ST7: variants seen among roughly 807,000 people sequenced by gnomAD.
The protein encoded by ST7 is suppressor of tumorigenicity 7 protein.
Under a neutral mutation model 78.7 loss-of-function variants are expected in ST7, and 28 were observed. That is an observed-to-expected ratio of 0.36 (90% confidence interval 0.26 to 0.49). The LOEUF is 0.49. Among genes scored for constraint, ST7 ranks in the 20% least tolerant of loss-of-function variants. ST7 has a pLI of 0.99. For synonymous variants in ST7, 247 were observed against 249.6 expected, an observed-to-expected ratio of 0.99 and a Z score of 0.10; for missense variants, 418 against 696.0, an observed-to-expected ratio of 0.60 and a Z score of 4.49.
At chr7:117,225,449 CA>C in intron 15 of ST7, among the ~76,000 whole-genome samples, 1 of 152,112 alleles carries the variant, frequency 6.6e-6, no homozygotes, top group East Asian at 1.9e-4. Context: ...TAGCAGTTTC[CA>C]AAATGTCTGT....
intron 1 of ST7, among the ~76,000 whole-genome samples, chr7:117,065,204 CTTT>C (rs11363365): frequency 7.6e-5 from 7 of 91,822 alleles, no homozygotes; most frequent in Admixed American, 1.2e-4. Flanking sequence ...TGGTTCAAGT[CTTT>C]TTTTTTTTTT....
chr7:117,179,886 C>T (rs917889848), intron 10 of ST7, among the ~76,000 whole-genome samples: 2 of 152,170 alleles, frequency 1.3e-5, no homozygotes, highest in Non-Finnish European at 2.9e-5. Context: ...GGAAAGCACT[C>T]AGATGTGGAA....
intron 1 of ST7, chr7:116,956,344 C>G (rs1025387737): frequency 1.3e-5 from 5 of 377,034 alleles, no homozygotes; most frequent in African/African-American, 1.1e-4. Flanking sequence ...AGAGGGGAGG[C>G]AGGAGCTAGC....
intron 1 of ST7, among the ~76,000 whole-genome samples, chr7:116,969,900 A>T (rs1485687529): frequency 6.6e-6 from 1 of 152,038 alleles, no homozygotes; most frequent in Non-Finnish European, 1.5e-5. Flanking sequence ...ACATGGAGAA[A>T]CCCTGTGTCT....
intron 9 of ST7, among the ~76,000 whole-genome samples, chr7:117,170,193 T>C (rs1033304228): frequency 3.9e-5 from 6 of 152,192 alleles, no homozygotes; most frequent in Non-Finnish European, 8.8e-5. Context: ...GCCTTTACCT[T>C]GTTTGGTTTC....
At chr7:117,182,881 A>G (rs545631453) in intron 10 of ST7, 1 of 152,360 alleles carries the variant, frequency 6.6e-6, no homozygotes, top group African/African-American at 2.4e-5. Flanking sequence ...TTTATCCTAC[A>G]GAAGATTGCT....
At chr7:117,222,291 G>A (rs1383606766) in intron 15 of ST7, among the ~76,000 whole-genome samples, 1 of 152,156 alleles carries the variant, frequency 6.6e-6, no homozygotes, top group Non-Finnish European at 1.5e-5. Context: ...CAAATTCTTA[G>A]CAGTTTCCAA....
intron 9 of ST7, among the ~76,000 whole-genome samples, chr7:117,144,539 G>A (rs1297241621): frequency 6.6e-6 from 1 of 151,584 alleles, no homozygotes; most frequent in Non-Finnish European, 1.5e-5. Flanking sequence ...AGGCTGAGGT[G>A]GGAGGATCAC....
chr7:116,978,607 A>G (rs1793810169), intron 1 of ST7, among the ~76,000 whole-genome samples: 1 of 151,962 alleles, frequency 6.6e-6, no homozygotes, highest in Non-Finnish European at 1.5e-5. Flanking sequence ...ATCTATCTAG[A>G]GACAGTCTTT....
At chr7:117,002,721 G>T (rs1480304492) in intron 1 of ST7, among the ~76,000 whole-genome samples, 1 of 142,578 alleles carries the variant, frequency 7.0e-6, no homozygotes, top group Non-Finnish European at 1.5e-5. Context: ...ACTGAATGAA[G>T]AAATTATGCA....
At chr7:116,966,903 T>C (rs923601512) in intron 1 of ST7, among the ~76,000 whole-genome samples, 6 of 152,208 alleles carry the variant, frequency 3.9e-5, no homozygotes, top group African/African-American at 1.2e-4. Flanking sequence ...CACAATGTTG[T>C]ATGCCTGTGA....
chr7:116,999,621 A>C (rs1314487213), intron 1 of ST7, among the ~76,000 whole-genome samples: 1 of 152,154 alleles, frequency 6.6e-6, no homozygotes, highest in Non-Finnish European at 1.5e-5. Context: ...CCCTTAGAAG[A>C]TGATATCTAG....
At chr7:117,018,037 G>C (rs1795699583) in intron 1 of ST7, among the ~76,000 whole-genome samples, 1 of 152,062 alleles carries the variant, frequency 6.6e-6, no homozygotes, top group Non-Finnish European at 1.5e-5. Flanking sequence ...TAGGCCCTCA[G>C]AAAAATGCAT....
intron 1 of ST7, chr7:116,956,713 C>A (rs1330201788): frequency 2.2e-6 from 1 of 465,062 alleles, no homozygotes; most frequent in Non-Finnish European, 4.4e-6. Flanking sequence ...CTCATTTGAT[C>A]ATATTTTATG....
chr7:117,207,488 A>G (rs1313448267), intron 12 of ST7, among the ~76,000 whole-genome samples: 1 of 152,158 alleles, frequency 6.6e-6, no homozygotes, highest in Non-Finnish European at 1.5e-5. Flanking sequence ...TACCAGGCCC[A>G]CTTCTTCTCA....
chr7:117,033,479 C>T (rs975605747), intron 1 of ST7, among the ~76,000 whole-genome samples: 7 of 149,576 alleles, frequency 4.7e-5, no homozygotes, highest in African/African-American at 1.5e-4. Flanking sequence ...GCTGGAGTGT[C>T]GTAGTGCAAT....
Position 117,190,487 on chromosome 7 carries a change from G to A in ST7, c.1152-347G>A, listed in dbSNP as rs1346408861. 2.6e-5 allele frequency among the ~76,000 whole-genome samples: 4 copies of A among 152,164 alleles called. No individual in the cohort carries two copies. Among genetic ancestry groups the A allele is most frequent in the Non-Finnish European group, 4.4e-5 (3 of 68,022 alleles). ...TGTTTTTAACCAAGTGCGCTCTTCT[G>A]TAACCTAGTTTTCTCTTTTTCCTAC... On this transcript the variant is annotated intron_variant, in intron 11 of 15. Transcript: ENST00000323984. The surrounding 1 kb of genome is among the most constrained non-coding windows in gnomAD (Gnocchi z 5.2).
Position 117,190,776 on chromosome 7 carries a change from C to A in ST7, c.1152-58C>A, listed in dbSNP as rs1212855610. 1.4e-6 allele frequency: 2 copies of A among 1,433,564 alleles called. No homozygotes were observed. The highest frequency in any genetic ancestry group is 2.0e-6 in the Non-Finnish European group (2 of 1,020,184). The allele number at this position is 1,433,564 out of a possible 1,614,324, so 88.8% of individuals were successfully genotyped here. A position where few individuals can be genotyped will look rare whatever the true frequency, so the allele number is the denominator to read the frequency against. ...TGGGCCCTAGATGTGTAGATGCTTC[C>A]GGGTTGATGCCCAAGCAGTGGTCCC... On this transcript the variant is annotated intron_variant, in intron 11 of 15. Coordinates refer to ENST00000323984, the MANE Select transcript of ST7 (RefSeq NM_001369598.1). This position sits in a 1 kb window ranked among gnomAD's most constrained non-coding sequence, Gnocchi z 5.2.
chr7:117,011,087 G>C (rs542598740), intron 1 of ST7, among the ~76,000 whole-genome samples: 1 of 152,300 alleles, frequency 6.6e-6, no homozygotes, highest in South Asian at 2.1e-4. Context: ...ACCAGGTCAT[G>C]AGCCATGAAC....
Sources: gnomAD v4.1 joint callset for allele counts (sites outside exome capture counted in the v4.1 genomes callset) on GRCh38, gnomAD v4.1.1 for gene constraint, Gnocchi (gnomAD v3.1) non-coding constraint, MANE v1.5 for transcripts, NCBI Gene and HGNC (gene_info 2026-07-23, HGNC 2026-07-21) for gene names.